Variants in TARBP1 observed in about 807,000 individuals in gnomAD.
TARBP1 encodes tRNA (guanosine(18)-2'-O)-methyltransferase TARBP1.
In TARBP1, 144 loss-of-function variants were observed where a neutral mutation model predicts 178.6. That is an observed-to-expected ratio of 0.81 (90% CI 0.70 to 0.93). TARBP1 has a LOEUF of 0.93. Ranked by LOEUF, TARBP1 falls within the 40% of genes least tolerant of loss-of-function variation. The pLI, the probability that TARBP1 is intolerant of heterozygous loss-of-function variation, is 0.00. For missense variants in TARBP1, 2,067 were observed against 2,011.7 expected (o/e 1.03, Z -0.53); for synonymous variants, 787 against 781.0 (o/e 1.01, Z -0.13).
chr1:234,429,419 G>T lies in TARBP1; in HGVS notation c.2868C>A (p.Pro956=), dbSNP rs780059493. The T allele has an allele frequency of 6.2e-7, 1 of 1,608,920 alleles. No homozygotes were observed. Among genetic ancestry groups the T allele is most frequent in the Admixed American group, 1.7e-5 (1 of 58,786 alleles). ...TTCATGTTTCACTCTATCTTACCTT[G>T]GGAACCAACACTTTCAAGCAATGGA... The part of the protein sequence containing the change: ...PVFHCLKVLV[P]KLLTSSESLC... The change falls in exon 16 of 30, where the codon CCC becomes CCA. Residue 956 remains proline, a synonymous_variant. Transcript: ENST00000040877.
intron 20 of TARBP1, among the ~76,000 whole-genome samples, chr1:234,425,460 T>C (rs1161960327): frequency 6.6e-6 from 1 of 152,162 alleles, no homozygotes; most frequent in African/African-American, 2.4e-5. Context: ...CCTCAAGCAA[T>C]TCTGCTGCCT....
intron 28 of TARBP1, among the ~76,000 whole-genome samples, chr1:234,392,935 G>C (rs868296730): frequency 2.0e-5 from 3 of 152,152 alleles, no homozygotes; most frequent in South Asian, 4.2e-4. Context: ...TAGCCAGGAT[G>C]GTCTCGATCT....
chr1:234,391,405 AG>A lies in TARBP1; in HGVS notation c.*171del, dbSNP rs1392525243. The A allele has an allele frequency of 2.1e-6, 1 of 478,122 alleles. No individual in the cohort carries two copies. The highest frequency in any genetic ancestry group is 2.0e-5 in the African/African-American group (1 of 50,190). The allele number at this position is 478,122 out of a possible 1,614,324, so 29.6% of individuals were successfully genotyped here. A position where few individuals can be genotyped will look rare whatever the true frequency, so the allele number is the denominator to read the frequency against. Reference sequence around the variant, plus strand: ...CAATTTAACAAAAAGTGTTTATTAAAGGGGAAAATATATAGTAATATGTTTA... The same window carrying A: ...CAATTTAACAAAAAGTGTTTATTAAAGGGAAAATATATAGTAATATGTTTA... On this transcript the variant is annotated 3_prime_UTR_variant, in exon 30 of 30. Transcript: ENST00000040877.
intron 1 of TARBP1, 69 bp downstream of exon 1, chr1:234,478,104 A>T: frequency 6.7e-7 from 1 of 1,487,812 alleles, no homozygotes; most frequent in Non-Finnish European, 9.2e-7. Context: ...TAGTTTTTAG[A>T]AGCAGGAAGA....
At chr1:234,428,648 C>T (rs1664045516) in intron 17 of TARBP1, among the ~76,000 whole-genome samples, 1 of 151,988 alleles carries the variant, frequency 6.6e-6, no homozygotes, top group Admixed American at 6.6e-5. Context: ...TGGGTTCAAG[C>T]AATTCTCCTG....
intron 17 of TARBP1, among the ~76,000 whole-genome samples, chr1:234,427,989 G>A (rs1344363352): frequency 6.6e-6 from 1 of 152,136 alleles, no homozygotes; most frequent in African/African-American, 2.4e-5. Flanking sequence ...TATTCATCCA[G>A]GACTCTTCAA....
At chr1:234,474,245 A>AACACACAC (rs35976593) in intron 1 of TARBP1, among the ~76,000 whole-genome samples, 1,389 of 81,464 alleles carry the variant, frequency 0.017, 24 homozygotes, top group East Asian at 0.066. Context: ...TTGTCTCTAA[A>AACACACAC]ACACACACAC....
intron 21 of TARBP1, 62 bp downstream of exon 21, chr1:234,420,640 C>G (rs377225024): frequency 9.2e-7 from 1 of 1,081,532 alleles, no homozygotes; most frequent in South Asian, 1.6e-5. Context: ...ATAGTTTCTG[C>G]AAAATAGTTC....
chr1:234,417,970 C>T, intron 22 of TARBP1, 114 bp downstream of exon 22: 1 of 572,850 alleles, frequency 1.7e-6, no homozygotes, highest in East Asian at 3.6e-5. Context: ...CTTATGATGT[C>T]AATACAATAG....
In TARBP1 at chr1:234,460,901, T is replaced by C. The variant is rs185299671; in HGVS notation, c.1400-505A>G. 3.5e-3 allele frequency among the ~76,000 whole-genome samples: 536 copies of C among 152,314 alleles called. 1 individual carries two copies. The highest frequency in any genetic ancestry group is 6.8e-3 in the Middle Eastern group (2 of 294). On this transcript the variant is annotated intron_variant, in intron 6 of 29. Transcript: ENST00000040877. ...ATACGTGCCATAACAAGGATAAACC[T>C]TGAAAATACTATGCTAGTGAAAGAA...
chr1:234,466,138 C>T (rs923353657), intron 4 of TARBP1, among the ~76,000 whole-genome samples: 1 of 152,150 alleles, frequency 6.6e-6, no homozygotes, highest in Non-Finnish European at 1.5e-5. Flanking sequence ...GAAAAGCAAG[C>T]TTACATGAAG....
chr1:234,412,700 G>A (rs1435304164), intron 22 of TARBP1, among the ~76,000 whole-genome samples: 1 of 152,016 alleles, frequency 6.6e-6, no homozygotes, highest in Non-Finnish European at 1.5e-5. Context: ...GGGAGAGAGA[G>A]TTATCTAGAT....
In TARBP1 at chr1:234,398,473, AGTGAATCTGGTAAATTTATCAATG is replaced by A; in HGVS notation, c.4128_4151del (p.Ile1377_Thr1384del). On this transcript the variant is annotated inframe_deletion, in exon 26 of 30. Transcript: ENST00000040877. ...GAAATCCCGCAGCTAAAGGAACATC[AGTGAATCTGGTAAATTTATCAATG>A]GTGATCCATTCATCTTCAATAAGGC... 6.2e-7 allele frequency: 1 copy of A among 1,612,034 alleles called. No individual in the cohort carries two copies. The highest frequency in any genetic ancestry group is 8.5e-7 in the Non-Finnish European group (1 of 1,178,640).
chr1:234,420,432 C>A (rs1426434263), intron 21 of TARBP1, among the ~76,000 whole-genome samples: 1 of 151,724 alleles, frequency 6.6e-6, no homozygotes. Context: ...AGACTTTAAA[C>A]AGTTAAAATG....
At chr1:234,465,810 G>A (rs1483093626) in intron 4 of TARBP1, 102 bp from the exon 5 acceptor site, 3 of 1,076,456 alleles carry the variant, frequency 2.8e-6, no homozygotes, top group Non-Finnish European at 3.8e-6. Flanking sequence ...GCTTACAGAA[G>A]ACCTGCTATA....
At chr1:234,417,961 T>A (rs1028293456) in intron 22 of TARBP1, 123 bp downstream of exon 22, 8 of 508,834 alleles carry the variant, frequency 1.6e-5, no homozygotes, top group Non-Finnish European at 2.5e-5. Context: ...AAAACATAAC[T>A]TATGATGTCA....
intron 22 of TARBP1, among the ~76,000 whole-genome samples, chr1:234,414,750 C>T (rs777899016): frequency 1.7e-4 from 26 of 152,056 alleles, no homozygotes; most frequent in Non-Finnish European, 2.5e-4. Context: ...TTAGGGAGGC[C>T]GAAGCGGGCA....
chr1:234,406,215 A>T, intron 23 of TARBP1, 116 bp from the exon 24 acceptor site: 1 of 929,220 alleles, frequency 1.1e-6, no homozygotes, highest in Non-Finnish European at 1.6e-6. Context: ...AACTTCTTCC[A>T]CTGGCTTTGC....
intron 12 of TARBP1, among the ~76,000 whole-genome samples, chr1:234,444,513 G>A (rs1056106884): frequency 1.1e-4 from 17 of 152,072 alleles, no homozygotes; most frequent in East Asian, 3.9e-4. Context: ...AAACACAGCC[G>A]TCTGGACTAC....
Sources: allele counts gnomAD v4.1 joint callset (sites outside exome capture counted in the v4.1 genomes callset), GRCh38; gene constraint gnomAD v4.1.1; transcripts MANE v1.5; gene names NCBI Gene and HGNC (gene_info 2026-07-23, HGNC 2026-07-21).